FOXK2: variants seen among roughly 807,000 people sequenced by gnomAD.
FOXK2 encodes the protein forkhead box K2, also known as forkhead box protein K2.
FOXK2 carries 24 observed loss-of-function variants against 53.3 expected under a neutral mutation model. That is an observed-to-expected ratio of 0.45 (90% CI 0.33 to 0.63). The LOEUF is 0.63. Ranked by LOEUF, FOXK2 falls within the 30% of genes least tolerant of loss-of-function variation. FOXK2 has a pLI of 0.03. For synonymous variants in FOXK2, 505 were observed against 407.1 expected, an observed-to-expected ratio of 1.24 and a Z score of -2.89; for missense variants, 952 against 910.5, an observed-to-expected ratio of 1.05 and a Z score of -0.59.
chr17:82,565,064 C>T (rs921465194), intron 2 of FOXK2, among the ~76,000 whole-genome samples: 8 of 152,080 alleles, frequency 5.3e-5, no homozygotes, highest in African/African-American at 1.9e-4. Flanking sequence ...TGCCCACATG[C>T]CCACACCATT....
intron 1 of FOXK2, among the ~76,000 whole-genome samples, chr17:82,541,415 G>A (rs865780562): frequency 1.3e-5 from 2 of 151,658 alleles, no homozygotes; most frequent in South Asian, 4.2e-4. Flanking sequence ...TGGGATTACA[G>A]GCGCCCGCCA....
At chr17:82,584,549 CTTTTTTTTTTT>C (rs34083156) in intron 6 of FOXK2, among the ~76,000 whole-genome samples, 22 of 89,876 alleles carry the variant, frequency 2.4e-4, no homozygotes, top group Admixed American at 5.3e-4. Context: ...AAAACATGTC[CTTTTTTTTTTT>C]TTTTTTTTTT....
intron 4 of FOXK2, among the ~76,000 whole-genome samples, chr17:82,573,556 T>TCACACA (rs1306989038): frequency 1.7e-5 from 2 of 116,454 alleles, no homozygotes; most frequent in Admixed American, 8.2e-5. Context: ...TCTCTCTCTC[T>TCACACA]CTCTCTCACA....
In FOXK2 at chr17:82,602,898, G is replaced by A. The variant is rs927827825; in HGVS notation, c.*1399G>A. On this transcript the variant is annotated 3_prime_UTR_variant, in exon 9 of 9. Coordinates refer to ENST00000335255, the MANE Select transcript of FOXK2 (RefSeq NM_004514.4). ...TCATCATAACATTATTTATTTAAAT[G>A]TAGTTATTTTGGTATTTAATTTTTT... is the stretch of plus-strand genomic sequence containing the variant. The A allele has an allele frequency of 6.6e-6, 1 of 152,478 alleles. No homozygotes were observed. Among genetic ancestry groups the A allele is most frequent in the Non-Finnish European group, 1.5e-5 (1 of 68,036 alleles). The allele number at this position is 152,478 out of a possible 1,614,324, so 9.4% of individuals were successfully genotyped here. A position where few individuals can be genotyped will look rare whatever the true frequency, so the allele number is the denominator to read the frequency against.
chr17:82,557,344 T>TA (rs1555638131), intron 1 of FOXK2, among the ~76,000 whole-genome samples: 2 of 151,478 alleles, frequency 1.3e-5, no homozygotes, highest in Non-Finnish European at 1.5e-5. Context: ...TTTTTATTTT[T>TA]TATATATATA....
At chr17:82,598,680 A>C (rs554225469) in intron 8 of FOXK2, among the ~76,000 whole-genome samples, 1 of 152,240 alleles carries the variant, frequency 6.6e-6, no homozygotes, top group Non-Finnish European at 1.5e-5. Context: ...AGTGAGGGCA[A>C]AGCCTTCATG....
chr17:82,551,040 G>A (rs1195244900), intron 1 of FOXK2, among the ~76,000 whole-genome samples: 1 of 152,146 alleles, frequency 6.6e-6, no homozygotes, highest in Non-Finnish European at 1.5e-5. Flanking sequence ...CTGAAAGGCC[G>A]GAAGTGGTGG....
At chr17:82,530,116 T>G (rs2044458883) in intron 1 of FOXK2, among the ~76,000 whole-genome samples, 1 of 151,678 alleles carries the variant, frequency 6.6e-6, no homozygotes, top group African/African-American at 2.4e-5. Context: ...CAAGGTGCTG[T>G]TTTTAATGGT....
chr17:82,563,229 G>C (rs2044816345), intron 1 of FOXK2, 125 bp from the exon 2 acceptor site: 1 of 856,796 alleles, frequency 1.2e-6, no homozygotes, highest in Non-Finnish European at 1.8e-6. Flanking sequence ...ATAACACGGT[G>C]AGCTGAGCTT....
Position 82,541,031 on chromosome 17 carries a change from T to G in FOXK2, c.419+20724T>G, listed in dbSNP as rs1395995476. Among the ~76,000 whole-genome samples, 4 of 152,038 alleles carry G rather than the reference T, an allele frequency of 2.6e-5. No individual in the cohort carries two copies. In the East Asian group the frequency reaches 7.7e-4, roughly 29 times the overall value. On this transcript the variant is annotated intron_variant, in intron 1 of 8. Transcript: ENST00000335255. The stretch of plus-strand genomic sequence containing the variant: ...CGTGTGGCTGCTGCTTCATTGTCCT[T>G]GGAGTAGGCCCTCCCAGCGGTTGGA...
intron 1 of FOXK2, among the ~76,000 whole-genome samples, chr17:82,556,504 A>G (rs981825969): frequency 6.6e-6 from 1 of 150,906 alleles, no homozygotes; most frequent in South Asian, 2.1e-4. Flanking sequence ...TCCATGGCTC[A>G]TCAACGTGGA....
chr17:82,538,003 T>A lies in FOXK2; in HGVS notation c.419+17696T>A, dbSNP rs144149522. On this transcript the variant is annotated intron_variant, in intron 1 of 8. Transcript: ENST00000335255. ...CTTCTGGAGGCTGAGGCAGGTGGAT[T>A]GCTTGAGGTCAGGAGTTCGAGACTA... 2.6e-5 allele frequency among the ~76,000 whole-genome samples: 4 copies of A among 151,592 alleles called. No individual in the cohort carries two copies. The East Asian group carries it at 7.8e-4, about 29-fold the overall frequency.
In FOXK2 at chr17:82,582,940, G is replaced by A; in HGVS notation, c.1103+6G>A. Reference sequence around the variant, plus strand: ...CTGGGACCGCTCTCTTCTAGGTAAGGAAAAAGAAGAACAAAAGGCCTCACT... The same window carrying A: ...CTGGGACCGCTCTCTTCTAGGTAAGAAAAAAGAAGAACAAAAGGCCTCACT... On this transcript the variant is annotated splice_donor_region_variant and intron_variant, in intron 5 of 8. Transcript: ENST00000335255. 6.5e-7 allele frequency: 1 copy of A among 1,530,482 alleles called. No homozygotes were observed. The highest frequency in any genetic ancestry group is 2.3e-5 in the Admixed American group (1 of 43,002). The allele number at this position is 1,530,482 out of a possible 1,614,324, so 94.8% of individuals were successfully genotyped here. A position where few individuals can be genotyped will look rare whatever the true frequency, so the allele number is the denominator to read the frequency against.
At chr17:82,567,918 T>C (rs1443516895) in intron 2 of FOXK2, 136 bp from the exon 3 acceptor site, 13 of 701,818 alleles carry the variant, frequency 1.9e-5, no homozygotes, top group Non-Finnish European at 2.7e-5. Context: ...AATGCTGATA[T>C]TCTCTTCCTT....
chr17:82,577,033 G>A (rs548383159), intron 4 of FOXK2, among the ~76,000 whole-genome samples: 6 of 152,136 alleles, frequency 3.9e-5, no homozygotes, highest in East Asian at 1.9e-4. Context: ...GTGGTGGTGC[G>A]TGCCTGTAAT....
intron 1 of FOXK2, among the ~76,000 whole-genome samples, chr17:82,521,988 T>C (rs1357156878): frequency 2.7e-5 from 4 of 150,790 alleles, no homozygotes; most frequent in Non-Finnish European, 5.9e-5. Flanking sequence ...GTGTTTATAC[T>C]GTAGACGGTA....
At chr17:82,588,887 A>G (rs1295921938) in intron 8 of FOXK2, among the ~76,000 whole-genome samples, 51 of 15,306 alleles carry the variant, frequency 3.3e-3, no homozygotes, top group Non-Finnish European at 4.5e-3. Flanking sequence ...CATTTCTACT[A>G]AAAAAAAAAA....
chr17:82,596,129 C>T (rs1221996668), intron 8 of FOXK2: 10 of 812,902 alleles, frequency 1.2e-5, no homozygotes, highest in South Asian at 4.0e-5. Context: ...AGACTGCGAC[C>T]GCGATTGCAG....
Position 82,604,172 on chromosome 17 carries a change from G to T in FOXK2, c.*2673G>T, listed in dbSNP as rs1260901923. Reference sequence around the variant, plus strand: ...CTGCTGTGACCTTTGCCCAACTTCTGAGCTCCTCAGGGACTAGGAACAATT... The same window carrying T: ...CTGCTGTGACCTTTGCCCAACTTCTTAGCTCCTCAGGGACTAGGAACAATT... On this transcript the variant is annotated 3_prime_UTR_variant, in exon 9 of 9. Coordinates refer to ENST00000335255, the MANE Select transcript of FOXK2 (RefSeq NM_004514.4). The T allele has an allele frequency of 6.6e-6, 1 of 152,204 alleles. No homozygotes were observed. Among genetic ancestry groups the T allele is most frequent in the Non-Finnish European group, 1.5e-5 (1 of 68,084 alleles). 9.4% of individuals were successfully genotyped at this position (152,204 alleles called of 1,614,324 possible). A position where few individuals can be genotyped will look rare whatever the true frequency, so the allele number is the denominator to read the frequency against.
Sources: gnomAD v4.1 joint callset for allele counts (sites outside exome capture counted in the v4.1 genomes callset) on GRCh38, gnomAD v4.1.1 for gene constraint, MANE v1.5 for transcripts, NCBI Gene and HGNC (gene_info 2026-07-23, HGNC 2026-07-21) for gene names.